The following GPC5 variants were observed in gnomAD, a reference collection of about 807,000 sequenced individuals.
GPC5 encodes glypican 5.
Under a neutral mutation model 53.9 loss-of-function variants are expected in GPC5, and 47 were observed. That is an observed-to-expected ratio of 0.87 (90% CI 0.69 to 1.11). The LOEUF (loss-of-function observed/expected upper bound fraction) is 1.11. GPC5 is among the 50% of genes most tolerant of loss of function. GPC5 has a pLI of 0.00. For synonymous variants in GPC5, 286 were observed against 263.3 expected (o/e 1.09, Z -0.84); for missense variants, 748 against 713.1 (o/e 1.05, Z -0.56).
chr13:91,927,613 T>G (rs2039781497), intron 6 of GPC5, among the ~76,000 whole-genome samples: 1 of 152,182 alleles, frequency 6.6e-6, no homozygotes. Context: ...GGAAATGGGT[T>G]AGTTCTAGTT....
chr13:92,122,322 T>C (rs913216444), intron 6 of GPC5, among the ~76,000 whole-genome samples: 3 of 151,798 alleles, frequency 2.0e-5, no homozygotes, highest in African/African-American at 4.8e-5. Flanking sequence ...CTTTTGCTTT[T>C]AGCAGCCATA....
At chr13:92,394,343 C>G (rs1875161136) in intron 7 of GPC5, among the ~76,000 whole-genome samples, 1 of 152,040 alleles carries the variant, frequency 6.6e-6, no homozygotes, top group Non-Finnish European at 1.5e-5. Flanking sequence ...ATCCTAACTC[C>G]TAAAGTGATA....
chr13:91,672,015 G>T (rs180545), intron 2 of GPC5, among the ~76,000 whole-genome samples: 33,686 of 151,972 alleles, frequency 0.22, 5,018 homozygotes, highest in African/African-American at 0.42. Context: ...TTCAGTAAAT[G>T]GTGCTGGGAA....
chr13:92,762,641 A>C (rs574746130), intron 7 of GPC5, among the ~76,000 whole-genome samples: 3 of 152,098 alleles, frequency 2.0e-5, no homozygotes, highest in Non-Finnish European at 2.9e-5. Context: ...AGATTTCAGC[A>C]TTTTTATTAT....
intron 7 of GPC5, chr13:92,659,244 G>A (rs75193805): frequency 0.24 from 36,021 of 152,038 alleles, 4,946 homozygotes; most frequent in South Asian, 0.39. Flanking sequence ...TTTCTTTAGA[G>A]AAATGTCATT....
intron 6 of GPC5, among the ~76,000 whole-genome samples, chr13:92,004,458 T>TTATATATATATATATATATATATATATA (rs58376767): frequency 2.4e-5 from 2 of 82,528 alleles, no homozygotes; most frequent in Non-Finnish European, 4.3e-5. Flanking sequence ...AAAAAAAAAA[T>TTATATATATATATATATATATATATATA]TATATATATA....
chr13:92,622,008 T>TC (rs1382115388), intron 7 of GPC5, among the ~76,000 whole-genome samples: 1 of 152,180 alleles, frequency 6.6e-6, no homozygotes, highest in Non-Finnish European at 1.5e-5. Flanking sequence ...TCCCCTCGAC[T>TC]AATGCTTTCA....
intron 5 of GPC5, among the ~76,000 whole-genome samples, chr13:91,782,029 TTAA>T (rs1256771513): frequency 2.0e-5 from 3 of 152,258 alleles, no homozygotes; most frequent in African/African-American, 7.2e-5. Context: ...TATATTTTAG[TTAA>T]ACAATTGCCC....
At chr13:91,839,778 GT>G (rs2038763371) in intron 5 of GPC5, among the ~76,000 whole-genome samples, 1 of 152,022 alleles carries the variant, frequency 6.6e-6, no homozygotes, top group Non-Finnish European at 1.5e-5. Context: ...TGAATTATAA[GT>G]CATGAAAAGA....
chr13:92,167,385 G>A (rs1465210509), intron 7 of GPC5, among the ~76,000 whole-genome samples: 2 of 152,144 alleles, frequency 1.3e-5, no homozygotes, highest in African/African-American at 4.8e-5. Flanking sequence ...GTTTGCAAAT[G>A]ATATAAAACT....
chr13:91,540,204 A>T (rs2029873022), intron 2 of GPC5, among the ~76,000 whole-genome samples: 3 of 152,126 alleles, frequency 2.0e-5, no homozygotes, highest in African/African-American at 7.2e-5. Context: ...ACTTATCAAA[A>T]CTAACAGCTG....
chr13:92,141,904 T>C lies in GPC5; in HGVS notation c.1402-2926T>C, dbSNP rs574147792. 3.5e-4 allele frequency among the ~76,000 whole-genome samples: 53 copies of C among 152,196 alleles called. 1 individual carries two copies. The South Asian group carries it at 0.01, about 30-fold the overall frequency. On this transcript the variant is annotated intron_variant, in intron 6 of 7. Transcript: ENST00000377067. The stretch of plus-strand genomic sequence containing the variant: ...TCCAAGAGGCCACTAGTGGTACAGT[T>C]CCTTGCCATAGGACCTTTGATAGGC...
intron 6 of GPC5, among the ~76,000 whole-genome samples, chr13:92,084,116 C>A (rs1427985516): frequency 6.6e-6 from 1 of 152,074 alleles, no homozygotes; most frequent in Non-Finnish European, 1.5e-5. Flanking sequence ...ACACTGGGAC[C>A]TATCCGGTGG....
At chr13:92,716,289 G>T (rs1888325519) in intron 7 of GPC5, among the ~76,000 whole-genome samples, 1 of 151,946 alleles carries the variant, frequency 6.6e-6, no homozygotes, top group Admixed American at 6.6e-5. Context: ...CAGCAACACA[G>T]AGTTACCCAT....
At chr13:91,675,403 A>G (rs1440993635) in intron 2 of GPC5, among the ~76,000 whole-genome samples, 1 of 152,190 alleles carries the variant, frequency 6.6e-6, no homozygotes, top group African/African-American at 2.4e-5. Context: ...TTGAAAAATA[A>G]TTTCCACACT....
Position 91,449,040 on chromosome 13 carries a change from A to G in GPC5, c.325+118A>G, listed in dbSNP as rs1881000352. 9 of 1,154,716 alleles carry G rather than the reference A, an allele frequency of 7.8e-6. No individual in the cohort carries two copies. The South Asian group carries it at 1.2e-4, about 16-fold the overall frequency. 71.5% of individuals were successfully genotyped at this position (1,154,716 alleles called of 1,614,324 possible). A position where few individuals can be genotyped will look rare whatever the true frequency, so the allele number is the denominator to read the frequency against. ...CCTTGTATTTACATAATATTCGGGT[A>G]TAAAATGAGGTTTTAACTTTTTCTA... On this transcript the variant is annotated intron_variant, in intron 2 of 7. Coordinates refer to ENST00000377067, the MANE Select transcript of GPC5 (RefSeq NM_004466.6).
chr13:92,556,339 G>C (rs1882492689), intron 7 of GPC5, among the ~76,000 whole-genome samples: 1 of 151,704 alleles, frequency 6.6e-6, no homozygotes, highest in African/African-American at 2.4e-5. Context: ...TTTATTAATA[G>C]TTCAGGTATC....
chr13:92,149,485 T>C (rs1323681595), intron 7 of GPC5, among the ~76,000 whole-genome samples: 1 of 152,064 alleles, frequency 6.6e-6, no homozygotes, highest in East Asian at 1.9e-4. Flanking sequence ...GTAAAATAAA[T>C]AGAACTATTG....
At chr13:92,559,365 T>C (rs988554661) in intron 7 of GPC5, among the ~76,000 whole-genome samples, 9 of 149,168 alleles carry the variant, frequency 6.0e-5, no homozygotes, top group African/African-American at 2.0e-4. Context: ...TGTGTGTGTG[T>C]GTGTTGGGGT....
Sources: allele counts gnomAD v4.1 joint callset (sites outside exome capture counted in the v4.1 genomes callset), GRCh38; gene constraint gnomAD v4.1.1; transcripts MANE v1.5; gene names NCBI Gene and HGNC (gene_info 2026-07-23, HGNC 2026-07-21).